The following NUBPL variants were observed in gnomAD, a reference collection of about 807,000 sequenced individuals.
NUBPL encodes the protein NUBP iron-sulfur cluster assembly factor, mitochondrial, also known as iron-sulfur cluster transfer protein NUBPL.
A neutral mutation model predicts 45.7 loss-of-function variants in NUBPL; 31 were observed. The observed-to-expected ratio is 0.68, with a 90% CI of 0.51 to 0.92. The LOEUF is 0.92. NUBPL is among the 40% of genes least tolerant of loss of function. The pLI, the probability that NUBPL is intolerant of heterozygous loss-of-function variation, is 0.00. For missense variants in NUBPL, 401 were observed against 398.7 expected, an observed-to-expected ratio of 1.01 and a Z score of -0.05; for synonymous variants, 144 against 140.9, an observed-to-expected ratio of 1.02 and a Z score of -0.15.
At position 31,705,268 on chromosome 14, in the gene NUBPL, C is replaced by T. The variant is rs140309209; in HGVS notation, c.513+31694C>T. ...TGGTGAGTGTTACAGCTCATAAAGGCGGTGCAGACCCAGAGTGAGCATCAG... is the reference window on the plus strand; with the variant it reads ...TGGTGAGTGTTACAGCTCATAAAGGTGGTGCAGACCCAGAGTGAGCATCAG... On this transcript the variant is annotated intron_variant, in intron 6 of 10. Coordinates refer to ENST00000281081, the MANE Select transcript of NUBPL (RefSeq NM_025152.3). 4.3e-4 allele frequency among the ~76,000 whole-genome samples: 65 copies of T among 152,310 alleles called. No individual in the cohort carries two copies. In the East Asian group the frequency reaches 0.011, roughly 25 times the overall value.
intron 4 of NUBPL, among the ~76,000 whole-genome samples, chr14:31,603,034 G>A (rs2034487079): frequency 6.6e-6 from 1 of 152,036 alleles, no homozygotes; most frequent in Admixed American, 6.6e-5. Flanking sequence ...AATTGGCTTG[G>A]CTTAGTGGCT....
intron 4 of NUBPL, among the ~76,000 whole-genome samples, chr14:31,663,000 G>C (rs1025503322): frequency 6.6e-6 from 1 of 152,190 alleles, no homozygotes; most frequent in African/African-American, 2.4e-5. Context: ...CAGTGATGAT[G>C]AGCATTTTTT....
intron 6 of NUBPL, among the ~76,000 whole-genome samples, chr14:31,701,338 C>G (rs546110642): frequency 3.0e-4 from 46 of 152,040 alleles, no homozygotes; most frequent in African/African-American, 9.2e-4. Context: ...GCTCAGGGAT[C>G]GTAAACGCAC....
intron 6 of NUBPL, among the ~76,000 whole-genome samples, chr14:31,758,162 G>A (rs904269890): frequency 2.0e-5 from 3 of 152,058 alleles, no homozygotes; most frequent in Non-Finnish European, 4.4e-5. Context: ...TTCCATGGTG[G>A]TGATGCTGTC....
intron 10 of NUBPL, among the ~76,000 whole-genome samples, chr14:31,851,697 A>G (rs8005084): frequency 0.16 from 24,867 of 152,118 alleles, 6,038 homozygotes; most frequent in African/African-American, 0.53. Context: ...CCCAACTACC[A>G]TAGCTGTACT....
At chr14:31,731,068 G>T (rs1016942433) in intron 6 of NUBPL, among the ~76,000 whole-genome samples, 1 of 152,044 alleles carries the variant, frequency 6.6e-6, no homozygotes, top group Non-Finnish European at 1.5e-5. Context: ...AAGAAATAAG[G>T]CCAAAAATAA....
chr14:31,839,649 G>A (rs1477048119), intron 8 of NUBPL, among the ~76,000 whole-genome samples: 2 of 152,104 alleles, frequency 1.3e-5, no homozygotes, highest in Admixed American at 6.5e-5. Flanking sequence ...ACAATCAACA[G>A]GGTGAAGAGA....
intron 6 of NUBPL, among the ~76,000 whole-genome samples, chr14:31,719,215 A>G (rs1448822617): frequency 6.6e-6 from 1 of 152,200 alleles, no homozygotes; most frequent in Non-Finnish European, 1.5e-5. Context: ...AGAGAGTGTC[A>G]TACTGCCTGT....
chr14:31,604,512 A>G (rs1156945753), intron 4 of NUBPL, among the ~76,000 whole-genome samples: 1 of 152,174 alleles, frequency 6.6e-6, no homozygotes, highest in Non-Finnish European at 1.5e-5. Context: ...ATTGAATCCC[A>G]CCTTTATAGG....
At chr14:31,730,201 A>G (rs575294756) in intron 6 of NUBPL, among the ~76,000 whole-genome samples, 1 of 152,340 alleles carries the variant, frequency 6.6e-6, no homozygotes, top group African/African-American at 2.4e-5. Flanking sequence ...GAATAAGCAT[A>G]TTCTCTCAAA....
At chr14:31,816,267 A>G (rs1322987668) in intron 7 of NUBPL, among the ~76,000 whole-genome samples, 1 of 152,046 alleles carries the variant, frequency 6.6e-6, no homozygotes, top group East Asian at 1.9e-4. Flanking sequence ...TGGAGGGTGG[A>G]TGTGTCCTGA....
chr14:31,810,834 A>G (rs933805619), intron 7 of NUBPL, among the ~76,000 whole-genome samples: 2 of 151,846 alleles, frequency 1.3e-5, no homozygotes, highest in Non-Finnish European at 2.9e-5. Context: ...ATCTCTCAGC[A>G]TTTGCTAGTC....
intron 10 of NUBPL, among the ~76,000 whole-genome samples, chr14:31,854,267 C>T (rs1409047198): frequency 2.6e-5 from 4 of 152,068 alleles, no homozygotes; most frequent in African/African-American, 9.7e-5. Flanking sequence ...CTCTAGATGA[C>T]CTAACAAAAA....
At chr14:31,661,438 G>T (rs1024664286) in intron 4 of NUBPL, among the ~76,000 whole-genome samples, 5 of 152,148 alleles carry the variant, frequency 3.3e-5, no homozygotes, top group African/African-American at 1.2e-4. Context: ...AAATTCTAAG[G>T]CAAAGAAACT....
intron 4 of NUBPL, among the ~76,000 whole-genome samples, chr14:31,622,858 G>C (rs2035102745): frequency 6.6e-6 from 1 of 152,230 alleles, no homozygotes; most frequent in Admixed American, 6.5e-5. Context: ...TGTTAGATTG[G>C]AGCCCCCACA....
chr14:31,765,313 A>G (rs1232404107), intron 6 of NUBPL, among the ~76,000 whole-genome samples: 1 of 152,258 alleles, frequency 6.6e-6, no homozygotes, highest in African/African-American at 2.4e-5. Context: ...CATGGAAAAG[A>G]TATTTTTAAA....
chr14:31,811,371 T>G (rs547650692), intron 7 of NUBPL, among the ~76,000 whole-genome samples: 1 of 152,184 alleles, frequency 6.6e-6, no homozygotes, highest in African/African-American at 2.4e-5. Context: ...TTCAATTTGA[T>G]CTTCAATCAC....
In NUBPL at chr14:31,706,150, C is replaced by T. The variant is rs1477448072; in HGVS notation, c.513+32576C>T. ...GGGCTGCTAGCACATTGTCACCTCT[C>T]AATCCCCCCTCTAAACAGGACACCC... On this transcript the variant is annotated intron_variant, in intron 6 of 10. Coordinates refer to ENST00000281081, the MANE Select transcript of NUBPL (RefSeq NM_025152.3). Among the ~76,000 whole-genome samples the T allele has an allele frequency of 2.4e-5, 3 of 125,880 alleles. No homozygotes were observed. The East Asian group carries it at 9.2e-4, about 39-fold the overall frequency. 82.6% of individuals were successfully genotyped at this position (125,880 alleles called of 152,430 possible). A position where few individuals can be genotyped will look rare whatever the true frequency, so the allele number is the denominator to read the frequency against.
intron 6 of NUBPL, among the ~76,000 whole-genome samples, chr14:31,783,203 C>T (rs139223867): frequency 1.6e-4 from 24 of 152,206 alleles, no homozygotes; most frequent in African/African-American, 5.5e-4. Flanking sequence ...TATCTTGCAA[C>T]GAGGTGATGC....
Sources: allele counts gnomAD v4.1 joint callset (sites outside exome capture counted in the v4.1 genomes callset), GRCh38; gene constraint gnomAD v4.1.1; transcripts MANE v1.5; gene names NCBI Gene and HGNC (gene_info 2026-07-23, HGNC 2026-07-21).